Variants in GNB1L observed in about 807,000 individuals in gnomAD.
The protein encoded by GNB1L is G protein subunit beta 1 like.
In GNB1L, 20 loss-of-function variants were observed where a neutral mutation model predicts 29.1. That is an observed-to-expected ratio of 0.69 (90% confidence interval 0.48 to 1.00). The LOEUF (loss-of-function observed/expected upper bound fraction) is 1.00, where lower values mean the gene tolerates loss of function less well. Among genes scored for constraint, GNB1L ranks in the 50% least tolerant of loss-of-function variants. GNB1L has a pLI of 0.00. For missense variants in GNB1L, 421 were observed against 464.9 expected (o/e 0.91, Z 0.87); for synonymous variants, 193 against 206.5 (o/e 0.93, Z 0.56).
At chr22:19,834,763 A>C (rs1937735058) in intron 2 of GNB1L, among the ~76,000 whole-genome samples, 1 of 152,168 alleles carries the variant, frequency 6.6e-6, no homozygotes, top group African/African-American at 2.4e-5. Context: ...AAATAATTCA[A>C]GAGAGGACAG....
intron 5 of GNB1L, among the ~76,000 whole-genome samples, chr22:19,807,221 C>T (rs898386555): frequency 1.3e-5 from 2 of 152,212 alleles, no homozygotes; most frequent in Non-Finnish European, 2.9e-5. Flanking sequence ...CTGGACGCCC[C>T]GGTGTCCCCT....
rs1306426718 is a variant in GNB1L, at chr22:19,785,922, C to G, written c.*2787G>C. 6.6e-6 allele frequency: 1 copy of G among 152,338 alleles called. No individual in the cohort carries two copies. Among genetic ancestry groups the G allele is most frequent in the Non-Finnish European group, 1.5e-5 (1 of 68,118 alleles). The allele number at this position is 152,338 out of a possible 1,614,324, so 9.4% of individuals were successfully genotyped here. A position where few individuals can be genotyped will look rare whatever the true frequency, so the allele number is the denominator to read the frequency against. ...CAGGTTCTGTTGACACAAAGGCCGA[C>G]CTGTCCAGAGCCACATGGCTCTGCT... is the stretch of plus-strand genomic sequence containing the variant. On this transcript the variant is annotated 3_prime_UTR_variant, in exon 8 of 8. Coordinates refer to ENST00000329517, the MANE Select transcript of GNB1L (RefSeq NM_053004.3). This position sits in a 1 kb window ranked among gnomAD's most constrained non-coding sequence, Gnocchi z 4.1.
intron 7 of GNB1L, among the ~76,000 whole-genome samples, chr22:19,796,921 A>G (rs1304341211): frequency 6.6e-6 from 1 of 152,232 alleles, no homozygotes; most frequent in African/African-American, 2.4e-5. Context: ...AAGACTGATC[A>G]GGAATAAAGC....
chr22:19,813,515 G>A (rs546639555), intron 4 of GNB1L, among the ~76,000 whole-genome samples: 22 of 152,020 alleles, frequency 1.4e-4, no homozygotes, highest in Admixed American at 6.5e-5. Context: ...GTGAAACCCC[G>A]TCTCTACTAA....
intron 4 of GNB1L, 48 bp from the exon 5 acceptor site, chr22:19,812,495 C>T: frequency 6.5e-7 from 1 of 1,547,966 alleles, no homozygotes; most frequent in Non-Finnish European, 8.8e-7. Context: ...TGACAAGTGT[C>T]AGCTCCCATG....
chr22:19,839,842 T>C (rs1937827176), intron 2 of GNB1L, among the ~76,000 whole-genome samples: 1 of 151,900 alleles, frequency 6.6e-6, no homozygotes. Context: ...ATCGTACCAC[T>C]GCACTCCAGC....
intron 6 of GNB1L, among the ~76,000 whole-genome samples, chr22:19,803,538 G>T (rs913841060): frequency 6.6e-6 from 1 of 152,204 alleles, no homozygotes; most frequent in Non-Finnish European, 1.5e-5. Flanking sequence ...TCCCTGGGAG[G>T]AGTTCCATGT....
At chr22:19,798,360 C>T (rs1410929671) in intron 7 of GNB1L, among the ~76,000 whole-genome samples, 1 of 152,194 alleles carries the variant, frequency 6.6e-6, no homozygotes, top group Admixed American at 6.5e-5. Flanking sequence ...TTGATGCCAT[C>T]GTCACCCATT....
chr22:19,834,564 G>T (rs1043913653), intron 2 of GNB1L, among the ~76,000 whole-genome samples: 1 of 152,066 alleles, frequency 6.6e-6, no homozygotes, highest in South Asian at 2.1e-4. Context: ...AATGGAGGAG[G>T]GTAAGGGACC....
intron 2 of GNB1L, among the ~76,000 whole-genome samples, chr22:19,825,903 A>C (rs909003027): frequency 1.3e-5 from 2 of 152,220 alleles, no homozygotes; most frequent in Non-Finnish European, 2.9e-5. Flanking sequence ...GGCTACAGTG[A>C]GCCACAATCA....
intron 2 of GNB1L, among the ~76,000 whole-genome samples, chr22:19,828,508 G>T (rs561721069): frequency 6.6e-6 from 1 of 151,940 alleles, no homozygotes; most frequent in Non-Finnish European, 1.5e-5. Flanking sequence ...ATAAAAATTC[G>T]CTGGGCACAG....
chr22:19,850,721 G>C (rs1480443713), intron 2 of GNB1L: 80 of 1,236,792 alleles, frequency 6.5e-5, no homozygotes, highest in Non-Finnish European at 8.0e-5. Context: ...TAGGGGGACA[G>C]ACACAGAAAC....
chr22:19,813,383 A>C (rs887049479), intron 4 of GNB1L, among the ~76,000 whole-genome samples: 1 of 152,196 alleles, frequency 6.6e-6, no homozygotes, highest in Non-Finnish European at 1.5e-5. Flanking sequence ...GCAGTGAGAA[A>C]TGCTTCAAAA....
intron 2 of GNB1L, among the ~76,000 whole-genome samples, chr22:19,827,037 G>A (rs1038533484): frequency 6.6e-5 from 10 of 152,012 alleles, no homozygotes; most frequent in African/African-American, 2.4e-4. Flanking sequence ...CTTAGATCCT[G>A]GCTCTTAGAT....
chr22:19,813,480 G>A (rs968482120), intron 4 of GNB1L, among the ~76,000 whole-genome samples: 2 of 151,892 alleles, frequency 1.3e-5, no homozygotes, highest in Non-Finnish European at 2.9e-5. Flanking sequence ...GAGGTCAGGA[G>A]TTCAAGACCA....
intron 2 of GNB1L, chr22:19,847,007 C>T: frequency 1.0e-6 from 1 of 985,488 alleles, no homozygotes; most frequent in Non-Finnish European, 1.2e-6. Context: ...GCTGCTTGTA[C>T]TTCTCCATAC....
In GNB1L at chr22:19,826,129, C is replaced by T. The variant is rs145441844; in HGVS notation, c.-20-4754G>A. Among the ~76,000 whole-genome samples, 609 of 152,310 alleles carry T rather than the reference C, an allele frequency of 4.0e-3. 4 individuals carry two copies. The highest frequency in any genetic ancestry group is 6.4e-3 in the Non-Finnish European group (433 of 68,028). On this transcript the variant is annotated intron_variant, in intron 2 of 7. Transcript: ENST00000329517. ...TGACCTGGATTTCCAGCTCTGATGG[C>T]CTCTGGGGTGACAAAAGGCAAAGCT...
rs543641666 is a variant in GNB1L at position 19,845,590 on chromosome 22, C to T, written c.-21+8853G>A. Among the ~76,000 whole-genome samples, 230 of 152,324 alleles carry T rather than the reference C, an allele frequency of 1.5e-3. 2 individuals carry two copies. Among genetic ancestry groups the T allele is most frequent in the African/African-American group, 5.3e-3 (221 of 41,578 alleles). On this transcript the variant is annotated intron_variant, in intron 2 of 7. Coordinates refer to ENST00000329517, the MANE Select transcript of GNB1L (RefSeq NM_053004.3). ...CCTGTGCTGGGGGTGGTTCCTGAGG[C>T]CAGGAGGAAAGGAGCCGGCCAATGA...
Position 19,806,763 on chromosome 22 carries a change from A to G in GNB1L, c.418-6T>C, listed in dbSNP as rs778742217. On this transcript the variant is annotated splice_region_variant and splice_polypyrimidine_tract_variant and intron_variant, in intron 5 of 7. Coordinates refer to ENST00000329517, the MANE Select transcript of GNB1L (RefSeq NM_053004.3). ...GGCATCTCCAGAATCTGAACCTGAC[A>G]GTAAGAAAACAAGTTGATTTGGGCC... is the stretch of plus-strand genomic sequence containing the variant. The G allele has an allele frequency of 1.2e-6, 2 of 1,605,510 alleles. No homozygotes were observed. The highest frequency in any genetic ancestry group is 2.2e-5 in the East Asian group (1 of 44,850).
Sources: gnomAD v4.1 joint callset for allele counts (sites outside exome capture counted in the v4.1 genomes callset) on GRCh38, gnomAD v4.1.1 for gene constraint, Gnocchi (gnomAD v3.1) non-coding constraint, MANE v1.5 for transcripts, NCBI Gene and HGNC (gene_info 2026-07-23, HGNC 2026-07-21) for gene names.